The following TRAPPC12 variants were observed in gnomAD, a reference collection of about 807,000 sequenced individuals.
TRAPPC12 encodes the protein TPR repeat protein 15.
A neutral mutation model predicts 69.2 loss-of-function variants in TRAPPC12; 61 were observed. The ratio of observed to expected loss-of-function variants is 0.88; its 90% CI spans 0.72 to 1.09. TRAPPC12 has a LOEUF of 1.09. Among genes scored for constraint, TRAPPC12 ranks in the 50% least tolerant of loss-of-function variants. The probability of loss-of-function intolerance (pLI) is 0.00; values close to 1 mark genes in which losing one functional copy is unlikely to be tolerated. For missense variants in TRAPPC12, 1,101 were observed against 1,016.4 expected, an observed-to-expected ratio of 1.08 and a Z score of -1.13; for synonymous variants, 469 against 438.9, an observed-to-expected ratio of 1.07 and a Z score of -0.86.
At chr2:3,427,630 G>T (rs112363167) in intron 5 of TRAPPC12, among the ~76,000 whole-genome samples, 1 of 152,230 alleles carries the variant, frequency 6.6e-6, no homozygotes, top group Non-Finnish European at 1.5e-5. Context: ...GCTAATGCCT[G>T]TAATCCCAGC....
At chr2:3,402,966 G>A (rs142319504) in intron 3 of TRAPPC12, among the ~76,000 whole-genome samples, 86 of 152,318 alleles carry the variant, frequency 5.6e-4, no homozygotes, top group African/African-American at 2.0e-3. Flanking sequence ...AAGGGGTTTG[G>A]AGAGTGAGGT....
At chr2:3,431,010 G>A (rs1663398716) in intron 5 of TRAPPC12, among the ~76,000 whole-genome samples, 1 of 152,218 alleles carries the variant, frequency 6.6e-6, no homozygotes, top group Non-Finnish European at 1.5e-5. Context: ...TCCGCTGGGT[G>A]TGGAGGAGCT....
intron 10 of TRAPPC12, 77 bp downstream of exon 10, chr2:3,477,872 G>T: frequency 1.1e-6 from 1 of 952,176 alleles, no homozygotes; most frequent in East Asian, 2.7e-5. Context: ...GAGTTGGAAA[G>T]CTCCCTAGAG....
chr2:3,383,871 G>GTTTTTTTTTTTTTTTTTTTTT lies in TRAPPC12; in HGVS notation c.-4-3728_-4-3708dup, dbSNP rs34956958. On this transcript the variant is annotated intron_variant, in intron 1 of 11. Coordinates refer to ENST00000324266, the MANE Select transcript of TRAPPC12 (RefSeq NM_016030.6). ...TATTCCCTTGTGATAGTTCAGTCTT[G>GTTTTTTTTTTTTTTTTTTTTT]TTTTTTTTTTTTTTTTTTTTTTTTT... Among the ~76,000 whole-genome samples the GTTTTTTTTTTTTTTTTTTTTT allele has an allele frequency of 1.8e-4, 15 of 85,592 alleles. 3 individuals carry two copies. The highest frequency in any genetic ancestry group is 3.0e-4 in the Non-Finnish European group (13 of 42,900). 56.2% of individuals were successfully genotyped at this position (85,592 alleles called of 152,430 possible).
At chr2:3,392,982 C>T (rs1046493127) in intron 2 of TRAPPC12, among the ~76,000 whole-genome samples, 3 of 152,174 alleles carry the variant, frequency 2.0e-5, no homozygotes, top group African/African-American at 4.8e-5. Flanking sequence ...TAGTGGCTCA[C>T]GCCCATAATC....
At chr2:3,466,117 T>C in intron 9 of TRAPPC12, 1 of 399,164 alleles carries the variant, frequency 2.5e-6, no homozygotes, top group East Asian at 7.2e-5. Context: ...GTCTCAGTAA[T>C]GCACAAAGCT....
At chr2:3,455,579 C>T (rs969739410) in intron 6 of TRAPPC12, 3 of 152,176 alleles carry the variant, frequency 2.0e-5, no homozygotes, top group African/African-American at 7.2e-5. Context: ...GTTTAGCTCC[C>T]ACAGATAAGT....
chr2:3,383,545 T>C (rs1660326610), intron 1 of TRAPPC12, among the ~76,000 whole-genome samples: 1 of 151,752 alleles, frequency 6.6e-6, no homozygotes, highest in South Asian at 2.1e-4. Flanking sequence ...TAGCTGGGAT[T>C]ACAGGTGCCC....
chr2:3,386,333 A>C (rs371183240), intron 1 of TRAPPC12, among the ~76,000 whole-genome samples: 1 of 152,192 alleles, frequency 6.6e-6, no homozygotes, highest in East Asian at 1.9e-4. Flanking sequence ...TACATAAAGT[A>C]AAAGTTTTTC....
At chr2:3,409,433 T>C (rs1661915069) in intron 3 of TRAPPC12, among the ~76,000 whole-genome samples, 1 of 152,136 alleles carries the variant, frequency 6.6e-6, no homozygotes, top group Non-Finnish European at 1.5e-5. Context: ...TCCTTTAATG[T>C]TTTTCTAAAT....
At chr2:3,448,482 A>G (rs543067279) in intron 6 of TRAPPC12, among the ~76,000 whole-genome samples, 1 of 152,310 alleles carries the variant, frequency 6.6e-6, no homozygotes, top group Admixed American at 6.5e-5. Context: ...GGACTCTTCC[A>G]GTGGGTGAGG....
At chr2:3,412,583 G>T (rs1310126808) in intron 3 of TRAPPC12, among the ~76,000 whole-genome samples, 1 of 152,136 alleles carries the variant, frequency 6.6e-6, no homozygotes, top group African/African-American at 2.4e-5. Context: ...AAAAAGATCA[G>T]GTTTGAGGTT....
chr2:3,457,938 A>C, intron 7 of TRAPPC12: 1 of 1,393,560 alleles, frequency 7.2e-7, no homozygotes, highest in South Asian at 1.6e-5. Context: ...CCTTCACCAC[A>C]AAAGCACACG....
At chr2:3,441,311 T>A (rs971185257) in intron 5 of TRAPPC12, among the ~76,000 whole-genome samples, 1 of 152,216 alleles carries the variant, frequency 6.6e-6, no homozygotes, top group Non-Finnish European at 1.5e-5. Flanking sequence ...TGAGACCATC[T>A]GGGTCTGGGG....
At chr2:3,394,089 C>T (rs1405040354) in intron 2 of TRAPPC12, among the ~76,000 whole-genome samples, 1 of 152,168 alleles carries the variant, frequency 6.6e-6, no homozygotes, top group Admixed American at 6.5e-5. Context: ...TTGACTCTAC[C>T]TTCCTCAACC....
At chr2:3,415,482 T>C (rs1291272416) in intron 3 of TRAPPC12, among the ~76,000 whole-genome samples, 1 of 151,696 alleles carries the variant, frequency 6.6e-6, no homozygotes, top group Non-Finnish European at 1.5e-5. Context: ...CTCCGCTCAC[T>C]GCAACCTCTC....
At chr2:3,422,281 T>C (rs1217144437) in intron 4 of TRAPPC12, among the ~76,000 whole-genome samples, 1 of 152,044 alleles carries the variant, frequency 6.6e-6, no homozygotes, top group Non-Finnish European at 1.5e-5. Flanking sequence ...CGACTGGCAG[T>C]AGCAACTGGC....
At chr2:3,390,355 T>G (rs551093908) in intron 2 of TRAPPC12, among the ~76,000 whole-genome samples, 3 of 152,332 alleles carry the variant, frequency 2.0e-5, no homozygotes, top group African/African-American at 7.2e-5. Context: ...GTATCAAATG[T>G]GCATATTCTT....
chr2:3,419,895 C>T (rs1662679311), intron 3 of TRAPPC12, among the ~76,000 whole-genome samples: 1 of 152,202 alleles, frequency 6.6e-6, no homozygotes, highest in Admixed American at 6.5e-5. Flanking sequence ...AGCCGTGGGA[C>T]CCCTCACTGC....
Sources: gnomAD v4.1 joint callset for allele counts (sites outside exome capture counted in the v4.1 genomes callset) on GRCh38, gnomAD v4.1.1 for gene constraint, MANE v1.5 for transcripts, NCBI Gene and HGNC (gene_info 2026-07-23, HGNC 2026-07-21) for gene names.